The following NRG3 variants were observed in gnomAD, a reference collection of about 807,000 sequenced individuals.
NRG3 encodes pro-neuregulin-3, membrane-bound isoform.
A neutral mutation model predicts 66.9 loss-of-function variants in NRG3; 31 were observed. That is an observed-to-expected ratio of 0.46 (90% CI 0.35 to 0.63). The LOEUF is 0.63. Ranked by LOEUF, NRG3 falls within the 20% of genes least tolerant of loss-of-function variation. The pLI is 0.00. For missense variants in NRG3, 910 were observed against 878.9 expected, an observed-to-expected ratio of 1.04 and a Z score of -0.45; for synonymous variants, 393 against 359.4, an observed-to-expected ratio of 1.09 and a Z score of -1.06.
chr10:82,869,606 A>ATTTTATTTTT (rs1159345704), intron 4 of NRG3, among the ~76,000 whole-genome samples: 2 of 143,770 alleles, frequency 1.4e-5, no homozygotes, highest in Admixed American at 1.4e-4. Context: ...ATTTTATTTT[A>ATTTTATTTTT]TTTTATTTTA....
intron 1 of NRG3, among the ~76,000 whole-genome samples, chr10:82,235,116 C>A (rs1407058701): frequency 1.3e-5 from 2 of 152,200 alleles, no homozygotes; most frequent in South Asian, 2.1e-4. Context: ...GAGACTAGGG[C>A]AGGGGTTGGC....
intron 1 of NRG3, among the ~76,000 whole-genome samples, chr10:82,333,833 C>A (rs2082257339): frequency 6.6e-6 from 1 of 152,090 alleles, no homozygotes; most frequent in Non-Finnish European, 1.5e-5. Flanking sequence ...AGAAAAACAG[C>A]ATACTGCTGG....
At chr10:81,893,044 T>A (rs1407099950) in intron 1 of NRG3, among the ~76,000 whole-genome samples, 1 of 152,086 alleles carries the variant, frequency 6.6e-6, no homozygotes. Context: ...TAGTTTATCA[T>A]TTTTTTCCAC....
chr10:82,751,254 T>C (rs1298075787), intron 3 of NRG3, among the ~76,000 whole-genome samples: 1 of 152,180 alleles, frequency 6.6e-6, no homozygotes, highest in Non-Finnish European at 1.5e-5. Flanking sequence ...AGGGAAGTTT[T>C]GTTTGAGAAT....
intron 1 of NRG3, among the ~76,000 whole-genome samples, chr10:82,121,785 A>C (rs570916413): frequency 6.6e-6 from 1 of 152,082 alleles, no homozygotes; most frequent in Admixed American, 6.6e-5. Flanking sequence ...CTGGGACTAC[A>C]GGTACATGCC....
chr10:82,334,276 A>C (rs970358350), intron 1 of NRG3, among the ~76,000 whole-genome samples: 3 of 152,178 alleles, frequency 2.0e-5, no homozygotes, highest in Non-Finnish European at 4.4e-5. Flanking sequence ...GGACATTTAC[A>C]TTCATTCATT....
At chr10:82,202,068 G>A (rs2074857228) in intron 1 of NRG3, among the ~76,000 whole-genome samples, 1 of 152,116 alleles carries the variant, frequency 6.6e-6, no homozygotes, top group Non-Finnish European at 1.5e-5. Context: ...ACTTATTATT[G>A]TTTTCATTTT....
intron 1 of NRG3, among the ~76,000 whole-genome samples, chr10:82,113,011 T>C (rs2067484378): frequency 1.3e-5 from 2 of 152,276 alleles, no homozygotes; most frequent in Admixed American, 1.3e-4. Context: ...CCTCAGTGTA[T>C]TGTTTTCTGA....
intron 2 of NRG3, among the ~76,000 whole-genome samples, chr10:82,736,402 T>A (rs1041357896): frequency 6.6e-6 from 1 of 152,230 alleles, no homozygotes; most frequent in Non-Finnish European, 1.5e-5. Flanking sequence ...TTAATGGAAA[T>A]TTTACTTTGT....
chr10:82,723,494 A>G (rs1037030940), intron 2 of NRG3, among the ~76,000 whole-genome samples: 9 of 152,216 alleles, frequency 5.9e-5, no homozygotes, highest in African/African-American at 9.6e-5. Flanking sequence ...GAGAAAACAA[A>G]CAGAAAATAT....
At chr10:82,608,384 G>C (rs894773888) in intron 2 of NRG3, among the ~76,000 whole-genome samples, 1 of 152,178 alleles carries the variant, frequency 6.6e-6, no homozygotes, top group Non-Finnish European at 1.5e-5. Context: ...ATATGCTCCC[G>C]TGTAGACGTC....
intron 2 of NRG3, among the ~76,000 whole-genome samples, chr10:82,626,398 A>G (rs117832116): frequency 1.1e-4 from 16 of 152,294 alleles, no homozygotes; most frequent in Admixed American, 3.3e-4. Flanking sequence ...GTGAGGCCCA[A>G]TAAAGGCTTC....
At chr10:81,907,289 TA>T (rs1321518698) in intron 1 of NRG3, among the ~76,000 whole-genome samples, 1 of 152,192 alleles carries the variant, frequency 6.6e-6, no homozygotes, top group Non-Finnish European at 1.5e-5. Context: ...ATCCACTGCC[TA>T]AATGAAAACA....
intron 2 of NRG3, among the ~76,000 whole-genome samples, chr10:82,573,472 A>T (rs879473392): frequency 7.2e-5 from 11 of 151,856 alleles, no homozygotes; most frequent in African/African-American, 2.7e-4. Context: ...ATAAAATACC[A>T]TTTTAAATAT....
intron 2 of NRG3, among the ~76,000 whole-genome samples, chr10:82,700,121 C>A (rs1255708823): frequency 2.6e-5 from 4 of 152,068 alleles, no homozygotes; most frequent in Non-Finnish European, 5.9e-5. Flanking sequence ...TTACTTTCAG[C>A]GCTTGACAGA....
intron 1 of NRG3, among the ~76,000 whole-genome samples, chr10:81,945,933 C>T (rs1848804117): frequency 1.3e-5 from 2 of 152,128 alleles, no homozygotes; most frequent in South Asian, 4.1e-4. Context: ...TGCAGGAAAC[C>T]ACCGGAAGCT....
chr10:82,009,938 T>A (rs1266079889), intron 1 of NRG3, among the ~76,000 whole-genome samples: 1 of 152,194 alleles, frequency 6.6e-6, no homozygotes, highest in African/African-American at 2.4e-5. Context: ...GTGCTTTTCT[T>A]TGACATTTTT....
intron 1 of NRG3, among the ~76,000 whole-genome samples, chr10:82,046,125 G>A (rs1275964843): frequency 2.7e-5 from 4 of 146,010 alleles, no homozygotes; most frequent in South Asian, 4.6e-4. Context: ...GTAGCTTTAT[G>A]GGGATGGCAT....
At chr10:82,664,761 C>T (rs770978107) in intron 2 of NRG3, among the ~76,000 whole-genome samples, 6 of 151,828 alleles carry the variant, frequency 4.0e-5, no homozygotes, top group Non-Finnish European at 7.4e-5. Context: ...TCGCTGTCAT[C>T]CGTGTTCCCA....
Sources: gnomAD v4.1 joint callset for allele counts (sites outside exome capture counted in the v4.1 genomes callset) on GRCh38, gnomAD v4.1.1 for gene constraint, MANE v1.5 for transcripts, NCBI Gene and HGNC (gene_info 2026-07-23, HGNC 2026-07-21) for gene names.